ZBTB39: variants seen among roughly 807,000 people sequenced by gnomAD.
ZBTB39 encodes the protein zinc finger and BTB domain-containing protein 39.
ZBTB39 carries 25 observed loss-of-function variants against 39.4 expected under a neutral mutation model. The observed-to-expected ratio is 0.63, with a 90% CI of 0.46 to 0.89. The LOEUF is 0.89. ZBTB39 is among the 40% of genes least tolerant of loss of function. The pLI, the probability that ZBTB39 is intolerant of heterozygous loss-of-function variation, is 0.00. For synonymous variants in ZBTB39, 373 were observed against 359.6 expected (o/e 1.04, Z -0.42); for missense variants, 891 against 909.7 (o/e 0.98, Z 0.26).
rs746037518 is a variant in ZBTB39 at position 57,003,553 on chromosome 12, G to A, written c.1365C>T (p.Ala455=). 10 of 1,614,162 alleles carry A rather than the reference G, an allele frequency of 6.2e-6. No individual in the cohort carries two copies. The highest frequency in any genetic ancestry group is 8.5e-6 in the Non-Finnish European group (10 of 1,179,996). The stretch of plus-strand genomic sequence containing the variant: ...AATCTTTGGCCAATACTTTCCCACA[G>A]GCAGCGCATTTCAGCTCTGGGGAGG... ...GAASPELKCA[A]CGKVLAKDFH... The change falls in exon 2 of 2, where the codon GCC becomes GCT. Residue 455 remains alanine (A), a synonymous_variant. Transcript: ENST00000300101. This position sits in a 1 kb window ranked among gnomAD's most constrained non-coding sequence, Gnocchi z 4.8.
chr12:57,006,321 G>A (rs1361983376), intron 1 of ZBTB39, 84 bp downstream of exon 1: 1 of 152,352 alleles, frequency 6.6e-6, no homozygotes, highest in Non-Finnish European at 1.5e-5. Context: ...GAGCGGGCAA[G>A]AGGGACCCCA....
Position 57,002,780 on chromosome 12 carries a change from C to A in ZBTB39, c.2138G>T (p.Ter713LeuextTer28). The A allele has an allele frequency of 1.2e-6, 2 of 1,611,018 alleles. No homozygotes were observed. Among genetic ancestry groups the A allele is most frequent in the South Asian group, 1.1e-5 (1 of 90,880 alleles). Residue 713 changes from the stop codon to leucine (L), a stop_lost, in exon 2 of 2, where the codon TGA becomes TTA. Transcript: ENST00000300101. Reference sequence around the variant, plus strand: ...CCCCGTGGCTCTGCCGGGACCCAGTCAACTGTCCGGGTTCTTATCCGCCTC... The same window carrying A: ...CCCCGTGGCTCTGCCGGGACCCAGTAAACTGTCCGGGTTCTTATCCGCCTC... ...SKEADKNPDS[*>L]
Position 57,002,620 on chromosome 12 carries a change from T to G in ZBTB39, c.*159A>C, listed in dbSNP as rs190579314. On this transcript the variant is annotated 3_prime_UTR_variant, in exon 2 of 2. Transcript: ENST00000300101. The stretch of plus-strand genomic sequence containing the variant: ...TTGCTTCTCAACAACAGTAACAGCT[T>G]ATGTGCTATTTCTTCTTCTTTTCTT... 3.3e-4 allele frequency: 228 copies of G among 683,026 alleles called. No homozygotes were observed. The African/African-American group carries it at 3.6e-3, about 11-fold the overall frequency. The allele number at this position is 683,026 out of a possible 1,614,324, so 42.3% of individuals were successfully genotyped here. A position where few individuals can be genotyped will look rare whatever the true frequency, so the allele number is the denominator to read the frequency against.
chr12:57,005,481 C>A (rs1340367260), intron 1 of ZBTB39, among the ~76,000 whole-genome samples: 1 of 152,164 alleles, frequency 6.6e-6, no homozygotes, highest in Non-Finnish European at 1.5e-5. Context: ...ATAAATCTCA[C>A]GTTCTTGAAT....
In ZBTB39 at chr12:57,002,408, T is replaced by TAA. The variant is rs1202009660; in HGVS notation, c.*369_*370dup. On this transcript the variant is annotated 3_prime_UTR_variant, in exon 2 of 2. Transcript: ENST00000300101. The stretch of plus-strand genomic sequence containing the variant: ...GAAAACCTCCCTTTACCTCCTCTGT[T>TAA]AAGTGAGGCTGTTGGTTGGATTCTT... 4.7e-6 allele frequency: 1 copy of TAA among 213,998 alleles called. No homozygotes were observed. Among genetic ancestry groups the TAA allele is most frequent in the Non-Finnish European group, 9.4e-6 (1 of 106,464 alleles). 13.3% of individuals were successfully genotyped at this position (213,998 alleles called of 1,614,324 possible).
chr12:57,000,285 G>A lies in ZBTB39; in HGVS notation c.*2494C>T, dbSNP rs1956202511. ...CCAACTGAGCCACCCTGATCAATCT[G>A]ATCAGCCCCCGGGGGATCAGGGGAT... On this transcript the variant is annotated 3_prime_UTR_variant, in exon 2 of 2. Coordinates refer to ENST00000300101, the MANE Select transcript of ZBTB39 (RefSeq NM_014830.3). 1 of 152,554 alleles carries A rather than the reference G, an allele frequency of 6.6e-6. No individual in the cohort carries two copies. The highest frequency in any genetic ancestry group is 6.5e-5 in the Admixed American group (1 of 15,276). The allele number at this position is 152,554 out of a possible 1,614,324, so 9.5% of individuals were successfully genotyped here.
At position 57,003,944 on chromosome 12, in the gene ZBTB39, T is replaced by C; in HGVS notation, c.974A>G (p.Asp325Gly). ...TCCAAAAGCCAACTCATCCTCACTG[T>C]CATCACTCAGCTCAATCACCTCCTC... ...TTEEVIELSDDSEDELAFGEN... is the reference protein window; with the variant it reads ...TTEEVIELSDGSEDELAFGEN... Residue 325 changes from aspartate (D) to glycine (G), a missense_variant, in exon 2 of 2, where the codon GAC becomes GGC. Transcript: ENST00000300101. This position sits in a 1 kb window ranked among gnomAD's most constrained non-coding sequence, Gnocchi z 4.8. 6.2e-7 allele frequency: 1 copy of C among 1,614,236 alleles called. No individual in the cohort carries two copies.
In ZBTB39 at chr12:57,004,208, A is replaced by G; in HGVS notation, c.710T>C (p.Ile237Thr). 6.2e-7 allele frequency: 1 copy of G among 1,614,112 alleles called. No homozygotes were observed. The highest frequency in any genetic ancestry group is 8.5e-7 in the Non-Finnish European group (1 of 1,180,020). Residue 237 changes from isoleucine to threonine, a missense_variant, in exon 2 of 2, where the codon ATC (isoleucine) becomes ACC (threonine). Ile to Thr is a moderately conservative substitution (Grantham distance 89). Coordinates refer to ENST00000300101, the MANE Select transcript of ZBTB39 (RefSeq NM_014830.3). ...CTGGCAGGAGCTCGTGCTGGTCTGGATGCCCGTGCTGACAGTGCCTAGGAG... is the reference window on the plus strand; with the variant it reads ...CTGGCAGGAGCTCGTGCTGGTCTGGGTGCCCGTGCTGACAGTGCCTAGGAG... ...QPLLGTVSTG[I>T]QTSTSSCQPY...
Position 57,003,879 on chromosome 12 carries a change from C to T in ZBTB39, c.1039G>A (p.Val347Met). ...TTGGGCTCTAGAACTTTCTTGCACA[C>T]CTGGCAGGGCATGGCCTTATTCTCC... is the stretch of plus-strand genomic sequence containing the variant. Reference protein sequence around the residue: ...NRENKAMPCQVCKKVLEPNIQ... With the variant: ...NRENKAMPCQMCKKVLEPNIQ... The change falls in exon 2 of 2, where the codon GTG becomes ATG. Residue 347 changes from valine (V) to methionine (M), a missense_variant. Physicochemically the swap from Val to Met is conservative, Grantham distance 21. Coordinates refer to ENST00000300101, the MANE Select transcript of ZBTB39 (RefSeq NM_014830.3). The surrounding 1 kb of genome is among the most constrained non-coding windows in gnomAD (Gnocchi z 4.8). 2 of 1,614,224 alleles carry T rather than the reference C, an allele frequency of 1.2e-6. No homozygotes were observed. The highest frequency in any genetic ancestry group is 1.7e-6 in the Non-Finnish European group (2 of 1,180,040).
Position 57,004,489 on chromosome 12 carries a change from ACC to A in ZBTB39, c.427_428del (p.Gly143TyrfsTer26). On this transcript the variant is annotated frameshift_variant, in exon 2 of 2. Transcript: ENST00000300101. LOFTEE classifies it high-confidence loss of function. ...GTTCTGCCGAAGGACAACTCAGGGT[ACC>A]AGAGTGGCTCTCACTGGTGCTGGTC... ...PLTSTSESHS[G>X]TLSCPSAEPA... 6.2e-7 allele frequency: 1 copy of A among 1,614,184 alleles called. No individual in the cohort carries two copies. Among genetic ancestry groups the A allele is most frequent in the Non-Finnish European group, 8.5e-7 (1 of 1,180,032 alleles).
At chr12:57,006,107 G>T (rs553418737) in intron 1 of ZBTB39, among the ~76,000 whole-genome samples, 4 of 152,148 alleles carry the variant, frequency 2.6e-5, no homozygotes, top group Non-Finnish European at 4.4e-5. Context: ...TCTCCCCTCC[G>T]GAGTCGCATC....
At position 57,003,971 on chromosome 12, in the gene ZBTB39, G is replaced by A; in HGVS notation, c.947C>T (p.Thr316Ile). Residue 316 changes from threonine to isoleucine, a missense_variant, in exon 2 of 2, where the codon ACT becomes ATT. Coordinates refer to ENST00000300101, the MANE Select transcript of ZBTB39 (RefSeq NM_014830.3). This position sits in a 1 kb window ranked among gnomAD's most constrained non-coding sequence, Gnocchi z 4.8. ...ATCACTCAGCTCAATCACCTCCTCA[G>A]TTGTGCCTATATCCTCAGCAGGGTC... The part of the protein sequence containing the change: ...FEDPAEDIGT[T>I]EEVIELSDDS... 6.2e-7 allele frequency: 1 copy of A among 1,614,208 alleles called. No individual in the cohort carries two copies. Among genetic ancestry groups the A allele is most frequent in the South Asian group, 1.1e-5 (1 of 91,084 alleles).
rs1455026803 is a variant in ZBTB39 at position 57,004,695 on chromosome 12, T to C, written c.223A>G (p.Ile75Val). ...ACCTTCTCAAAGTTGGCAGGGGTGA[T>C]GAAGTCCACCACATAGGTCCTGGCA... Reference protein sequence around the residue: ...DAARTYVVDFITPANFEKVLS... With the variant: ...DAARTYVVDFVTPANFEKVLS... The change falls in exon 2 of 2, where the codon ATC becomes GTC. Residue 75 changes from isoleucine (I) to valine (V), a missense_variant. Physicochemically the swap from Ile to Val is conservative, Grantham distance 29. Transcript: ENST00000300101. 2 of 1,614,062 alleles carry C rather than the reference T, an allele frequency of 1.2e-6. No homozygotes were observed. Among genetic ancestry groups the C allele is most frequent in the South Asian group, 1.1e-5 (1 of 91,082 alleles).
rs765230925 is a variant in ZBTB39, at chr12:57,003,594, G to C, written c.1324C>G (p.Leu442Val). The change falls in exon 2 of 2, where the codon CTC becomes GTC. Residue 442 changes from leucine to valine, a missense_variant. Leu to Val is a conservative substitution (Grantham distance 32). Coordinates refer to ENST00000300101, the MANE Select transcript of ZBTB39 (RefSeq NM_014830.3). This position sits in a 1 kb window ranked among gnomAD's most constrained non-coding sequence, Gnocchi z 4.8. Reference protein sequence around the residue: ...PNDPLPGKLGLFSGAASPELK... With the variant: ...PNDPLPGKLGVFSGAASPELK... ...TCTGGGGAGGCTGCCCCTGAAAAGA[G>C]ACCCAGCTTCCCTGGCAGGGGATCG... 5 of 1,614,120 alleles carry C rather than the reference G, an allele frequency of 3.1e-6. No homozygotes were observed. Among genetic ancestry groups the C allele is most frequent in the Non-Finnish European group, 4.2e-6 (5 of 1,179,928 alleles).
Position 57,002,652 on chromosome 12 carries a change from A to G in ZBTB39, c.*127T>C, listed in dbSNP as rs1956216179. On this transcript the variant is annotated 3_prime_UTR_variant, in exon 2 of 2. Coordinates refer to ENST00000300101, the MANE Select transcript of ZBTB39 (RefSeq NM_014830.3). The stretch of plus-strand genomic sequence containing the variant: ...TATTTCTTCTTCTTTTCTTCTTTAA[A>G]CACAACACAGAACAGAATTCCTACC... 1 of 882,976 alleles carries G rather than the reference A, an allele frequency of 1.1e-6. No individual in the cohort carries two copies. Among genetic ancestry groups the G allele is most frequent in the Non-Finnish European group, 1.7e-6 (1 of 576,990 alleles). The allele number at this position is 882,976 out of a possible 1,614,324, so 54.7% of individuals were successfully genotyped here.
At chr12:57,006,196 G>C (rs920856976) in intron 1 of ZBTB39, among the ~76,000 whole-genome samples, 1 of 152,006 alleles carries the variant, frequency 6.6e-6, no homozygotes, top group African/African-American at 2.4e-5. Flanking sequence ...CAAACAGCGC[G>C]GGGCTCACCC....
chr12:57,002,553 G>C lies in ZBTB39; in HGVS notation c.*226C>G. 1.8e-6 allele frequency: 1 copy of C among 560,574 alleles called. No individual in the cohort carries two copies. Among genetic ancestry groups the C allele is most frequent in the South Asian group, 2.5e-5 (1 of 39,344 alleles). 34.7% of individuals were successfully genotyped at this position (560,574 alleles called of 1,614,324 possible). ...TCAAAAGAATGAAAAACATAGCCCTGCATGGGCAAGAACAGGTATGGAGGT... is the reference window on the plus strand; with the variant it reads ...TCAAAAGAATGAAAAACATAGCCCTCCATGGGCAAGAACAGGTATGGAGGT... On this transcript the variant is annotated 3_prime_UTR_variant, in exon 2 of 2. Transcript: ENST00000300101.
chr12:57,006,364 G>T (rs1339971857), intron 1 of ZBTB39, 41 bp downstream of exon 1: 1 of 151,674 alleles, frequency 6.6e-6, no homozygotes, highest in Non-Finnish European at 1.5e-5. Context: ...GCCGAAGGTC[G>T]GGCTTCGGCC....
At position 57,003,871 on chromosome 12, in the gene ZBTB39, C is replaced by A. The variant is rs201777135; in HGVS notation, c.1047G>T (p.Lys349Asn). 12 of 1,614,200 alleles carry A rather than the reference C, an allele frequency of 7.4e-6. No homozygotes were observed. Among genetic ancestry groups the A allele is most frequent in the Admixed American group, 1.7e-5 (1 of 60,028 alleles). Residue 349 changes from lysine (K) to asparagine (N), a missense_variant, in exon 2 of 2, where the codon AAG (lysine) becomes AAT (asparagine). Lys to Asn is a moderately conservative substitution (Grantham distance 94). Coordinates refer to ENST00000300101, the MANE Select transcript of ZBTB39 (RefSeq NM_014830.3). This position sits in a 1 kb window ranked among gnomAD's most constrained non-coding sequence, Gnocchi z 4.8. Reference sequence around the variant, plus strand: ...GTTGAATGTTGGGCTCTAGAACTTTCTTGCACACCTGGCAGGGCATGGCCT... The same window carrying A: ...GTTGAATGTTGGGCTCTAGAACTTTATTGCACACCTGGCAGGGCATGGCCT... The part of the protein sequence containing the change: ...ENKAMPCQVC[K>N]KVLEPNIQLI...
Sources: gnomAD v4.1 joint callset for allele counts (sites outside exome capture counted in the v4.1 genomes callset) on GRCh38, gnomAD v4.1.1 for gene constraint, Gnocchi (gnomAD v3.1) non-coding constraint, MANE v1.5 for transcripts, NCBI Gene and HGNC (gene_info 2026-07-23, HGNC 2026-07-21) for gene names.